The following STARD13 variants were observed in gnomAD, a reference collection of about 807,000 sequenced individuals.
The protein encoded by STARD13 is stAR-related lipid transfer protein 13.
STARD13 carries 62 observed loss-of-function variants against 106.4 expected under a neutral mutation model. The observed-to-expected ratio is 0.58, with a 90% CI of 0.48 to 0.72. The LOEUF is 0.72. Among genes scored for constraint, STARD13 ranks in the 30% least tolerant of loss-of-function variants. The pLI is 0.00. For synonymous variants in STARD13, 565 were observed against 553.0 expected (o/e 1.02, Z -0.31); for missense variants, 1,387 against 1,424.0 (o/e 0.97, Z 0.42).
intron 1 of STARD13, among the ~76,000 whole-genome samples, chr13:33,264,077 C>A (rs1370785101): frequency 6.6e-6 from 1 of 152,204 alleles, no homozygotes; most frequent in Admixed American, 6.5e-5. Flanking sequence ...TGTAGATGCA[C>A]CAGCTGCCAG....
chr13:33,556,231 A>G, the STARD13 span, among the ~76,000 whole-genome samples: 7 of 152,068 alleles, frequency 4.6e-5, no homozygotes, highest in East Asian at 1.9e-4. Context: ...AATGTTTTCA[A>G]TGCTTATTCA....
At chr13:33,166,819 A>G (rs1432861567) in intron 2 of STARD13, among the ~76,000 whole-genome samples, 5 of 151,962 alleles carry the variant, frequency 3.3e-5, no homozygotes, top group African/African-American at 4.8e-5. Flanking sequence ...ACGTGGTGAA[A>G]CCCTGTCTCT....
chr13:33,644,887 C>A, the STARD13 span, among the ~76,000 whole-genome samples: 1 of 152,110 alleles, frequency 6.6e-6, no homozygotes, highest in Admixed American at 6.5e-5. Flanking sequence ...TAACAATATG[C>A]ATGTGACAGA....
rs993954308 is a variant in STARD13 at position 33,105,611 on chromosome 13, G to T, written c.3324C>A (p.Gly1108=). Reference sequence around the variant, plus strand: ...GCAAAACTCAGATTTTAGTTTCTGGGCCCTCAGCAATGAGGGGCTGGAAAG... The same window carrying T: ...GCAAAACTCAGATTTTAGTTTCTGGTCCCTCAGCAATGAGGGGCTGGAAAG... ...RNSFQPLIAE[G]PETKI is the part of the protein sequence containing the mutation. The change falls in exon 14 of 14, where the codon GGC becomes GGA. Residue 1108 remains glycine (G), a synonymous_variant. Transcript: ENST00000336934. 2 of 1,612,436 alleles carry T rather than the reference G, an allele frequency of 1.2e-6. No homozygotes were observed. Among genetic ancestry groups the T allele is most frequent in the Admixed American group, 1.7e-5 (1 of 60,012 alleles).
intron 4 of STARD13, among the ~76,000 whole-genome samples, chr13:33,139,468 A>G (rs1455326326): frequency 6.6e-6 from 1 of 152,228 alleles, no homozygotes; most frequent in Non-Finnish European, 1.5e-5. Context: ...TAGGTCCGGC[A>G]GTCCCAAGGC....
chr13:33,373,292 C>T, the STARD13 span, among the ~76,000 whole-genome samples: 9 of 152,198 alleles, frequency 5.9e-5, no homozygotes, highest in South Asian at 8.3e-4. Context: ...TGGCATTCCC[C>T]GATCTCATTG....
At chr13:33,353,051 G>T (rs2078094452), upstream of STARD13, among the ~76,000 whole-genome samples, 1 of 152,052 alleles carries the variant, frequency 6.6e-6, no homozygotes, top group South Asian at 2.1e-4. Flanking sequence ...CACCTGTGTT[G>T]GGCTTTCTTT....
chr13:33,200,653 T>A (rs1447394309), intron 1 of STARD13, among the ~76,000 whole-genome samples: 1 of 152,144 alleles, frequency 6.6e-6, no homozygotes, highest in East Asian at 1.9e-4. Context: ...AACAGTGAAC[T>A]CTCTGAAGCA....
At chr13:33,603,020 CTT>C in the STARD13 span, among the ~76,000 whole-genome samples, 1 of 152,148 alleles carries the variant, frequency 6.6e-6, no homozygotes, top group Non-Finnish European at 1.5e-5. Context: ...AAGCTTGAAA[CTT>C]ATATTTGTTT....
the STARD13 span, among the ~76,000 whole-genome samples, chr13:33,650,260 T>C: frequency 7.8e-6 from 1 of 128,812 alleles, no homozygotes; most frequent in African/African-American, 3.1e-5. Context: ...GCGCGATCTC[T>C]GCTCACTGCA....
intron 3 of STARD13, among the ~76,000 whole-genome samples, chr13:33,165,049 TA>T (rs1367944528): frequency 6.6e-6 from 1 of 151,878 alleles, no homozygotes; most frequent in Non-Finnish European, 1.5e-5. Flanking sequence ...CTCTCTGAAA[TA>T]AACTTTCCCC....
At chr13:33,619,492 C>T in the STARD13 span, among the ~76,000 whole-genome samples, 1 of 152,030 alleles carries the variant, frequency 6.6e-6, no homozygotes, top group African/African-American at 2.4e-5. Context: ...TTAAATGAAC[C>T]TAATTAACTT....
the STARD13 span, among the ~76,000 whole-genome samples, chr13:33,605,142 G>T: frequency 6.6e-6 from 1 of 151,358 alleles, no homozygotes; most frequent in Non-Finnish European, 1.5e-5. Flanking sequence ...GGGAGCCTGA[G>T]GTGGAAGGAT....
intron 4 of STARD13, among the ~76,000 whole-genome samples, chr13:33,137,606 T>C (rs1382681083): frequency 1.3e-5 from 2 of 152,156 alleles, no homozygotes; most frequent in African/African-American, 4.8e-5. Context: ...ATAAAATAAA[T>C]TGCCTTGCCA....
At chr13:33,454,882 G>T in the STARD13 span, among the ~76,000 whole-genome samples, 1 of 152,164 alleles carries the variant, frequency 6.6e-6, no homozygotes, top group Non-Finnish European at 1.5e-5. Flanking sequence ...AAGAGGCAAG[G>T]AAATGTTTAA....
At chr13:33,435,966 C>A in the STARD13 span, among the ~76,000 whole-genome samples, 1 of 152,130 alleles carries the variant, frequency 6.6e-6, no homozygotes, top group Non-Finnish European at 1.5e-5. Flanking sequence ...TTGGCTAGTA[C>A]TTTTGATTTC....
At chr13:33,493,447 CATA>C in the STARD13 span, among the ~76,000 whole-genome samples, 2 of 152,214 alleles carry the variant, frequency 1.3e-5, no homozygotes, top group Non-Finnish European at 2.9e-5. Context: ...GGCTTTACTT[CATA>C]ATAATGTATC....
intron 1 of STARD13, among the ~76,000 whole-genome samples, chr13:33,336,972 T>A (rs1594279136): frequency 6.6e-6 from 1 of 152,092 alleles, no homozygotes; most frequent in African/African-American, 2.4e-5. Flanking sequence ...ACATAATACT[T>A]CACATTAAAT....
chr13:33,573,477 G>A, the STARD13 span, among the ~76,000 whole-genome samples: 4 of 152,078 alleles, frequency 2.6e-5, no homozygotes, highest in African/African-American at 9.7e-5. Context: ...GTCTCCATAA[G>A]GCTAGGGATC....
Sources: allele counts gnomAD v4.1 joint callset (sites outside exome capture counted in the v4.1 genomes callset), GRCh38; gene constraint gnomAD v4.1.1; transcripts MANE v1.5; gene names NCBI Gene and HGNC (gene_info 2026-07-23, HGNC 2026-07-21).